The following MACROD2 variants were observed in gnomAD, a reference collection of about 807,000 sequenced individuals.
The protein encoded by MACROD2 is ADP-ribose glycohydrolase MACROD2.
MACROD2 carries 36 observed loss-of-function variants against 70.4 expected under a neutral mutation model. That is an observed-to-expected ratio of 0.51 (90% confidence interval 0.39 to 0.68). MACROD2 has a LOEUF of 0.68. Ranked by LOEUF, MACROD2 falls within the 30% of genes least tolerant of loss-of-function variation. The probability of loss-of-function intolerance (pLI) is 0.00; values close to 1 mark genes in which losing one functional copy is unlikely to be tolerated. For missense variants in MACROD2, 496 were observed against 538.4 expected (o/e 0.92, Z 0.78); for synonymous variants, 172 against 178.8 (o/e 0.96, Z 0.30).
intron 3 of MACROD2, among the ~76,000 whole-genome samples, chr20:14,176,321 G>T (rs1049235215): frequency 6.6e-6 from 1 of 152,158 alleles, no homozygotes; most frequent in South Asian, 2.1e-4. Flanking sequence ...ATAAGTGTTT[G>T]AACTAAATGT....
chr20:15,791,145 A>T (rs1165259268), intron 8 of MACROD2, among the ~76,000 whole-genome samples: 1 of 151,902 alleles, frequency 6.6e-6, no homozygotes, highest in African/African-American at 2.4e-5. Context: ...GGAAGTAGTT[A>T]GTCATTCTTC....
intron 5 of MACROD2, among the ~76,000 whole-genome samples, chr20:14,744,212 A>T (rs2071770071): frequency 6.6e-6 from 1 of 152,198 alleles, no homozygotes; most frequent in African/African-American, 2.4e-5. Context: ...TGAGGTATAT[A>T]TATGCAAGAG....
chr20:14,501,094 T>G (rs1399158255), intron 4 of MACROD2, among the ~76,000 whole-genome samples: 1 of 152,034 alleles, frequency 6.6e-6, no homozygotes, highest in Non-Finnish European at 1.5e-5. Flanking sequence ...ACCTGAGGAT[T>G]ATATTCATAT....
At chr20:14,644,116 A>G (rs559464170) in intron 4 of MACROD2, among the ~76,000 whole-genome samples, 10 of 152,286 alleles carry the variant, frequency 6.6e-5, no homozygotes, top group African/African-American at 2.4e-5. Flanking sequence ...TTTTTTGCCA[A>G]TAATTAAAAC....
intron 6 of MACROD2, among the ~76,000 whole-genome samples, chr20:15,393,588 C>T (rs1005563296): frequency 6.6e-6 from 1 of 152,094 alleles, no homozygotes; most frequent in East Asian, 1.9e-4. Flanking sequence ...CTTTCTTTGG[C>T]CCTATCTCTG....
intron 6 of MACROD2, among the ~76,000 whole-genome samples, chr20:15,361,104 T>C (rs1346626552): frequency 6.6e-6 from 1 of 152,168 alleles, no homozygotes; most frequent in African/African-American, 2.4e-5. Context: ...CAGATCATGC[T>C]TTTGCTGTCA....
At chr20:15,773,120 C>CT (rs1462633185) in intron 8 of MACROD2, among the ~76,000 whole-genome samples, 1 of 152,002 alleles carries the variant, frequency 6.6e-6, no homozygotes, top group Non-Finnish European at 1.5e-5. Flanking sequence ...TGCTATTATC[C>CT]TTTTTTGTAC....
chr20:15,883,030 T>TAA (rs11480149), intron 9 of MACROD2, among the ~76,000 whole-genome samples: 10,627 of 145,760 alleles, frequency 0.073, 484 homozygotes, highest in East Asian at 0.15. Context: ...ACAAGATTCT[T>TAA]AAAAAAAAAA....
intron 6 of MACROD2, among the ~76,000 whole-genome samples, chr20:15,388,855 G>C (rs986306204): frequency 2.0e-5 from 3 of 152,136 alleles, no homozygotes; most frequent in African/African-American, 7.2e-5. Context: ...GGAACAAAAA[G>C]ATTCAAAGAG....
intron 5 of MACROD2, among the ~76,000 whole-genome samples, chr20:14,788,257 G>A (rs16994969): frequency 0.18 from 27,800 of 151,906 alleles, 2,659 homozygotes; most frequent in East Asian, 0.23. Context: ...GATAAGCAGT[G>A]TATGCAGAAA....
At chr20:14,597,727 C>G (rs981242716) in intron 4 of MACROD2, among the ~76,000 whole-genome samples, 1 of 152,084 alleles carries the variant, frequency 6.6e-6, no homozygotes, top group Non-Finnish European at 1.5e-5. Context: ...ATTGTTTCTT[C>G]TTTCCTTTTC....
chr20:15,344,828 A>T (rs1239430006), intron 6 of MACROD2, among the ~76,000 whole-genome samples: 1 of 152,254 alleles, frequency 6.6e-6, no homozygotes, highest in Non-Finnish European at 1.5e-5. Flanking sequence ...CTGACCTGTA[A>T]TAGAGCCTAG....
At chr20:14,372,455 A>T (rs1998236) in intron 3 of MACROD2, among the ~76,000 whole-genome samples, 24,518 of 152,068 alleles carry the variant, frequency 0.16, 2,625 homozygotes, top group Non-Finnish European at 0.23. Flanking sequence ...AAATGTCCAT[A>T]TAAAGTCTTT....
At chr20:14,290,562 T>G (rs1453004857) in intron 3 of MACROD2, among the ~76,000 whole-genome samples, 1 of 149,032 alleles carries the variant, frequency 6.7e-6, no homozygotes, top group Admixed American at 6.8e-5. Context: ...CAGGCTGGAG[T>G]GCAATGGCAC....
intron 5 of MACROD2, among the ~76,000 whole-genome samples, chr20:15,098,876 C>T (rs1409206558): frequency 6.6e-6 from 1 of 152,192 alleles, no homozygotes; most frequent in African/African-American, 2.4e-5. Flanking sequence ...TGAAAAGCTG[C>T]CATCTTCAGG....
At chr20:14,736,942 A>G (rs1408202269) in intron 5 of MACROD2, among the ~76,000 whole-genome samples, 1 of 151,922 alleles carries the variant, frequency 6.6e-6, no homozygotes, top group Non-Finnish European at 1.5e-5. Context: ...CTGTATCACC[A>G]TTGTCTTTTT....
chr20:14,708,100 C>A (rs1568750829), intron 5 of MACROD2, among the ~76,000 whole-genome samples: 2 of 152,164 alleles, frequency 1.3e-5, no homozygotes, highest in African/African-American at 2.4e-5. Context: ...CAGGATTGTT[C>A]TAAGGATAAT....
At chr20:15,528,970 C>T (rs1349576187) in intron 8 of MACROD2, among the ~76,000 whole-genome samples, 1 of 152,120 alleles carries the variant, frequency 6.6e-6, no homozygotes, top group Non-Finnish European at 1.5e-5. Flanking sequence ...GATAGAATTA[C>T]TGCTCTAACA....
chr20:14,760,422 A>G (rs2072000530), intron 5 of MACROD2, among the ~76,000 whole-genome samples: 1 of 152,158 alleles, frequency 6.6e-6, no homozygotes, highest in Non-Finnish European at 1.5e-5. Flanking sequence ...GGTACATAGG[A>G]AAGTATTAAT....
Sources: allele counts gnomAD v4.1 joint callset (sites outside exome capture counted in the v4.1 genomes callset), GRCh38; gene constraint gnomAD v4.1.1; transcripts MANE v1.5; gene names NCBI Gene and HGNC (gene_info 2026-07-23, HGNC 2026-07-21).